Variants in URM1 observed in about 807,000 individuals in gnomAD.
URM1 encodes the protein ubiquitin-related modifier 1.
In URM1, 11 loss-of-function variants were observed where a neutral mutation model predicts 17.7. The ratio of observed to expected loss-of-function variants is 0.62; its 90% CI spans 0.39 to 1.03. URM1 has a LOEUF of 1.03. URM1 is among the 50% of genes least tolerant of loss of function. The pLI is 0.00. For missense variants in URM1, 128 were observed against 129.2 expected (o/e 0.99, Z 0.04); for synonymous variants, 48 against 50.6 (o/e 0.95, Z 0.22).
Position 128,389,938 on chromosome 9 carries a change from C to A in URM1, c.*204C>A. On this transcript the variant is annotated 3_prime_UTR_variant, in exon 5 of 5. Coordinates refer to ENST00000372853, the MANE Select transcript of URM1 (RefSeq NM_030914.4). The stretch of plus-strand genomic sequence containing the variant: ...ACGTGAGCAGCGGAAGGCAGACAGG[C>A]GCCAGAGCCCAGCACTCCCTTTTCC... 7.7e-6 allele frequency: 5 copies of A among 649,412 alleles called. No individual in the cohort carries two copies. The highest frequency in any genetic ancestry group is 1.3e-5 in the Non-Finnish European group (5 of 388,574). 40.2% of individuals were successfully genotyped at this position (649,412 alleles called of 1,614,324 possible).
At position 128,387,532 on chromosome 9, in the gene URM1, G is replaced by A. The variant is rs866582266; in HGVS notation, c.107-284G>A. On this transcript the variant is annotated intron_variant, in intron 2 of 4. Coordinates refer to ENST00000372853, the MANE Select transcript of URM1 (RefSeq NM_030914.4). The surrounding 1 kb of genome is among the most constrained non-coding windows in gnomAD (Gnocchi z 4.3). ...CTTTAGATGCGACAGTCCTCCCGCC[G>A]TCTGCCTTGAATCCCCCCACTATAG... 8.5e-5 allele frequency among the ~76,000 whole-genome samples: 13 copies of A among 152,082 alleles called. No homozygotes were observed. The highest frequency in any genetic ancestry group is 3.3e-4 in the Admixed American group (5 of 15,256).
chr9:128,383,577 C>A (rs988813078), intron 2 of URM1, among the ~76,000 whole-genome samples: 1 of 152,112 alleles, frequency 6.6e-6, no homozygotes. Flanking sequence ...GCATGGTCCC[C>A]GTGGACCATT....
At chr9:128,372,046 G>A (rs1417850326) in intron 1 of URM1, among the ~76,000 whole-genome samples, 3 of 152,140 alleles carry the variant, frequency 2.0e-5, no homozygotes, top group African/African-American at 7.2e-5. Flanking sequence ...GTATACACAA[G>A]ATGAAAAATG....
Position 128,378,038 on chromosome 9 carries a change from G to A in URM1, c.38G>A (p.Gly13Asp). ...APLSVEVEFG[G>D]GAELLFDGIK... Reference sequence around the variant, plus strand: ...TTTTCTCTGGTCCTCCTTTGCAGAGGTGGTGCGGAGCTCCTGTTTGACGGT... The same window carrying A: ...TTTTCTCTGGTCCTCCTTTGCAGAGATGGTGCGGAGCTCCTGTTTGACGGT... The change falls in exon 2 of 5, where the codon GGT becomes GAT. Residue 13 changes from glycine (G) to aspartate (D), a missense_variant and splice_region_variant. Gly to Asp is a moderately conservative substitution (Grantham distance 94). Transcript: ENST00000372853. 1 of 1,611,796 alleles carries A rather than the reference G, an allele frequency of 6.2e-7. No homozygotes were observed. The highest frequency in any genetic ancestry group is 1.1e-5 in the South Asian group (1 of 90,638).
intron 2 of URM1, among the ~76,000 whole-genome samples, chr9:128,384,199 A>G (rs761655955): frequency 1.2e-4 from 19 of 152,308 alleles, no homozygotes; most frequent in South Asian, 4.1e-4. Flanking sequence ...TCAGAACTCA[A>G]CCACTCCAGC....
chr9:128,378,067 A>G lies in URM1; in HGVS notation c.67A>G (p.Lys23Glu). The stretch of plus-strand genomic sequence containing the variant: ...TGCGGAGCTCCTGTTTGACGGTATT[A>G]AGAAACATCGAGTCACTTTGCCTGG... ...GGAELLFDGI[K>E]KHRVTLPGQE... Residue 23 changes from lysine (K) to glutamate (E), a missense_variant, in exon 2 of 5, where the codon AAG (lysine) becomes GAG (glutamate). Transcript: ENST00000372853. 6.2e-7 allele frequency: 1 copy of G among 1,611,564 alleles called. No homozygotes were observed. The highest frequency in any genetic ancestry group is 8.5e-7 in the Non-Finnish European group (1 of 1,178,896).
Position 128,389,856 on chromosome 9 carries a change from A to C in URM1, c.*122A>C. ...TGCCTTCTTCCCTGCTCTGTCCCCTAAGCTCCCTCCAGGCAGGGAAAAGAG... is the reference window on the plus strand; with the variant it reads ...TGCCTTCTTCCCTGCTCTGTCCCCTCAGCTCCCTCCAGGCAGGGAAAAGAG... On this transcript the variant is annotated 3_prime_UTR_variant, in exon 5 of 5. Transcript: ENST00000372853. 3.0e-6 allele frequency: 4 copies of C among 1,349,702 alleles called. No homozygotes were observed. Among genetic ancestry groups the C allele is most frequent in the Non-Finnish European group, 4.0e-6 (4 of 990,942 alleles). The allele number at this position is 1,349,702 out of a possible 1,614,324, so 83.6% of individuals were successfully genotyped here.
intron 2 of URM1, among the ~76,000 whole-genome samples, chr9:128,378,417 A>G (rs890318222): frequency 2.0e-5 from 3 of 151,834 alleles, no homozygotes; most frequent in East Asian, 1.9e-4. Context: ...CGTGCATGTA[A>G]TCCCAGCTAC....
Position 128,389,241 on chromosome 9 carries a change from C to T in URM1, c.189-20C>T. The T allele has an allele frequency of 6.3e-7, 1 of 1,584,644 alleles. No individual in the cohort carries two copies. The highest frequency in any genetic ancestry group is 1.7e-5 in the Admixed American group (1 of 58,608). Reference sequence around the variant, plus strand: ...CTCCTGCCTCTCACTCCTTGCTACTCACCACCATCTTTCCCACAGGCGGCC... The same window carrying T: ...CTCCTGCCTCTCACTCCTTGCTACTTACCACCATCTTTCCCACAGGCGGCC... On this transcript the variant is annotated intron_variant, in intron 3 of 4. Transcript: ENST00000372853.
rs780688638 is a variant in URM1 at position 128,378,074 on chromosome 9, A to G, written c.74A>G (p.His25Arg). Reference sequence around the variant, plus strand: ...CTCCTGTTTGACGGTATTAAGAAACATCGAGTCACTTTGCCTGGACAGGAG... The same window carrying G: ...CTCCTGTTTGACGGTATTAAGAAACGTCGAGTCACTTTGCCTGGACAGGAG... ...AELLFDGIKK[H>R]RVTLPGQEEP... The change falls in exon 2 of 5, where the codon CAT (histidine) becomes CGT (arginine). Residue 25 changes from histidine to arginine, a missense_variant. Physicochemically the swap from His to Arg is conservative, Grantham distance 29. Transcript: ENST00000372853. 12 of 1,611,188 alleles carry G rather than the reference A, an allele frequency of 7.4e-6. No individual in the cohort carries two copies. Among genetic ancestry groups the G allele is most frequent in the Non-Finnish European group, 1.0e-5 (12 of 1,178,826 alleles).
intron 2 of URM1, among the ~76,000 whole-genome samples, chr9:128,380,826 G>C (rs1204044900): frequency 6.6e-6 from 1 of 150,950 alleles, no homozygotes; most frequent in Admixed American, 6.6e-5. Flanking sequence ...TTTTTTGTTT[G>C]TTTTGTTGTT....
chr9:128,374,900 C>A (rs1220182518), intron 1 of URM1, among the ~76,000 whole-genome samples: 1 of 152,228 alleles, frequency 6.6e-6, no homozygotes, highest in Non-Finnish European at 1.5e-5. Context: ...TCTCTGCAGT[C>A]CCCGCCTTCC....
intron 3 of URM1, chr9:128,388,910 T>A: frequency 9.2e-7 from 1 of 1,081,326 alleles, no homozygotes; most frequent in Non-Finnish European, 1.1e-6. Context: ...ACTCCACACA[T>A]ATCAGCTCAT....
intron 2 of URM1, among the ~76,000 whole-genome samples, chr9:128,380,329 G>C (rs543209444): frequency 6.6e-6 from 1 of 152,150 alleles, no homozygotes; most frequent in African/African-American, 2.4e-5. Flanking sequence ...GGAGGCTGGG[G>C]GGGGGACACT....
intron 1 of URM1, among the ~76,000 whole-genome samples, chr9:128,373,201 C>G (rs1357776618): frequency 1.4e-5 from 2 of 143,390 alleles, no homozygotes; most frequent in Non-Finnish European, 1.6e-5. Context: ...CACCCACCTT[C>G]TATCACCTCC....
rs532062588 is a variant in URM1, at chr9:128,374,135, G to T, written c.35+2720G>T. On this transcript the variant is annotated intron_variant, in intron 1 of 4. Coordinates refer to ENST00000372853, the MANE Select transcript of URM1 (RefSeq NM_030914.4). ...CTTGGTCTCTCCTGGGCTAGAACAG[G>T]CCCCTTGTCTGCCTCCCTGAATCAC... Among the ~76,000 whole-genome samples, 156 of 152,232 alleles carry T rather than the reference G, an allele frequency of 1.0e-3. 1 individual carries two copies. The highest frequency in any genetic ancestry group is 3.4e-3 in the Middle Eastern group (1 of 294).
intron 2 of URM1, among the ~76,000 whole-genome samples, chr9:128,380,812 GT>G (rs1012560808): frequency 4.7e-5 from 7 of 149,314 alleles, no homozygotes; most frequent in African/African-American, 1.2e-4. Context: ...ATTTGTGTAT[GT>G]TTTTTTTTGT....
chr9:128,388,846 A>G (rs2131301835), intron 3 of URM1: 1 of 1,000,064 alleles, frequency 1.0e-6, no homozygotes, highest in Non-Finnish European at 1.2e-6. Flanking sequence ...AACGAGAATA[A>G]GATTAGACCC....
chr9:128,388,443 G>C, intron 3 of URM1: 1 of 986,088 alleles, frequency 1.0e-6, no homozygotes, highest in Non-Finnish European at 1.2e-6. Flanking sequence ...GAAAGGACCA[G>C]GTTCCAGTTG....
Sources: gnomAD v4.1 joint callset for allele counts (sites outside exome capture counted in the v4.1 genomes callset) on GRCh38, gnomAD v4.1.1 for gene constraint, Gnocchi (gnomAD v3.1) non-coding constraint, MANE v1.5 for transcripts, NCBI Gene and HGNC (gene_info 2026-07-23, HGNC 2026-07-21) for gene names.